Variants in CUBN observed in about 807,000 individuals in gnomAD.
The protein encoded by CUBN is cubilin, also known as 460 kDa receptor.
In CUBN, 282 loss-of-function variants were observed where a neutral mutation model predicts 405.3. The ratio of observed to expected loss-of-function variants is 0.70; its 90% CI spans 0.63 to 0.77. CUBN has a LOEUF of 0.77. CUBN is among the 30% of genes least tolerant of loss of function. The pLI is 0.00. For synonymous variants in CUBN, 1,684 were observed against 1,617.0 expected (o/e 1.04, Z -0.99); for missense variants, 4,514 against 4,475.2 (o/e 1.01, Z -0.25).
chr10:17,125,431 G>C (rs11254383), intron 4 of CUBN, among the ~76,000 whole-genome samples: 1 of 152,084 alleles, frequency 6.6e-6, no homozygotes, highest in South Asian at 2.1e-4. Context: ...ACGTCTGGGG[G>C]TCTCTTTATG....
At chr10:17,000,985 A>G (rs1211217239) in intron 28 of CUBN, among the ~76,000 whole-genome samples, 2 of 152,136 alleles carry the variant, frequency 1.3e-5, no homozygotes, top group African/African-American at 2.4e-5. Flanking sequence ...GTGTGTCCGG[A>G]GTTTGCTCCT....
At chr10:16,894,519 T>C (rs184826252) in intron 54 of CUBN, among the ~76,000 whole-genome samples, 1 of 152,340 alleles carries the variant, frequency 6.6e-6, no homozygotes, top group Admixed American at 6.5e-5. Flanking sequence ...TTGAGGATGT[T>C]TGTGTGAGTG....
intron 64 of CUBN, among the ~76,000 whole-genome samples, chr10:16,831,949 A>C (rs1156356586): frequency 3.9e-5 from 6 of 152,206 alleles, no homozygotes; most frequent in Admixed American, 3.9e-4. Context: ...GAACGAAAGG[A>C]ATTTCTGTAT....
At chr10:17,013,319 T>C (rs568387006) in intron 28 of CUBN, among the ~76,000 whole-genome samples, 25 of 152,070 alleles carry the variant, frequency 1.6e-4, no homozygotes, top group African/African-American at 5.8e-4. Context: ...TGTCTCTCTG[T>C]CTCTTCTTCT....
chr10:16,856,703 C>T (rs552275436), intron 59 of CUBN, among the ~76,000 whole-genome samples: 1 of 152,150 alleles, frequency 6.6e-6, no homozygotes, highest in Non-Finnish European at 1.5e-5. Context: ...TGGATAGTAT[C>T]TCTGCCTGTC....
chr10:16,834,338 G>A lies in CUBN; in HGVS notation c.10362+676C>T, dbSNP rs193106834. Among the ~76,000 whole-genome samples, 321 of 152,268 alleles carry A rather than the reference G, an allele frequency of 2.1e-3. 2 individuals are homozygous for A. The highest frequency in any genetic ancestry group is 7.1e-3 in the African/African-American group (294 of 41,562). On this transcript the variant is annotated intron_variant, in intron 64 of 66. Coordinates refer to ENST00000377833, the MANE Select transcript of CUBN (RefSeq NM_001081.4). Reference sequence around the variant, plus strand: ...CCCCAAAGTTTCAGGCCCACGAGGCGCATGGTTCTGCCTGCTCCAGGCACA... The same window carrying A: ...CCCCAAAGTTTCAGGCCCACGAGGCACATGGTTCTGCCTGCTCCAGGCACA...
chr10:16,869,063 C>T (rs778185064), intron 59 of CUBN, among the ~76,000 whole-genome samples: 5 of 152,012 alleles, frequency 3.3e-5, no homozygotes, highest in African/African-American at 7.2e-5. Context: ...CCTCTGGGTC[C>T]GTTCAAGGCT....
chr10:17,085,408 G>T (rs1307922810), intron 16 of CUBN, among the ~76,000 whole-genome samples, 189 bp downstream of exon 16: 1 of 152,152 alleles, frequency 6.6e-6, no homozygotes, highest in African/African-American at 2.4e-5. Context: ...AAAGGGTATT[G>T]CAGTATTAAT....
At chr10:16,951,558 C>G (rs1179836088) in intron 33 of CUBN, among the ~76,000 whole-genome samples, 1 of 151,994 alleles carries the variant, frequency 6.6e-6, no homozygotes, top group African/African-American at 2.4e-5. Flanking sequence ...TCAGAAGGGC[C>G]CCAGCATCAC....
At chr10:17,022,036 G>A (rs1834515004) in intron 27 of CUBN, among the ~76,000 whole-genome samples, 1 of 152,132 alleles carries the variant, frequency 6.6e-6, no homozygotes, top group Non-Finnish European at 1.5e-5. Flanking sequence ...CAATCTGCAC[G>A]ATTATTTGCA....
At chr10:16,985,676 A>G (rs918046504) in intron 29 of CUBN, among the ~76,000 whole-genome samples, 1 of 152,136 alleles carries the variant, frequency 6.6e-6, no homozygotes, top group African/African-American at 2.4e-5. Flanking sequence ...GGGTTCCTGC[A>G]CCTGCCAATC....
chr10:17,011,345 G>A (rs1288417991), intron 28 of CUBN, among the ~76,000 whole-genome samples: 3 of 152,122 alleles, frequency 2.0e-5, no homozygotes, highest in Admixed American at 6.6e-5. Context: ...CTTCCAGTGG[G>A]TTCGTGGTCT....
At chr10:16,897,088 A>T (rs1277018404) in intron 54 of CUBN, among the ~76,000 whole-genome samples, 1 of 152,214 alleles carries the variant, frequency 6.6e-6, no homozygotes, top group Non-Finnish European at 1.5e-5. Flanking sequence ...TTGTTGAAGC[A>T]TGTTAATGGA....
intron 15 of CUBN, among the ~76,000 whole-genome samples, chr10:17,087,467 T>TTTATC (rs1836140973): frequency 5.9e-5 from 5 of 85,198 alleles, no homozygotes; most frequent in African/African-American, 2.5e-4. Flanking sequence ...ATTATTTTTC[T>TTTATC]TTTTCTTTTT....
intron 66 of CUBN, among the ~76,000 whole-genome samples, chr10:16,826,370 T>C (rs1370396169): frequency 2.0e-5 from 3 of 152,190 alleles, no homozygotes; most frequent in African/African-American, 7.2e-5. Flanking sequence ...TTCATATGTA[T>C]GTAATTATGC....
chr10:16,890,557 C>T lies in CUBN; in HGVS notation c.8599-30G>A. The T allele has an allele frequency of 3.1e-6, 5 of 1,613,442 alleles. No individual in the cohort carries two copies. In the Admixed American group the frequency reaches 5.0e-5, roughly 16 times the overall value. On this transcript the variant is annotated intron_variant, in intron 54 of 66. Transcript: ENST00000377833. ...CACGGACATACACAGAACTTTAATG[C>T]TCAAGGGTTTCCCATCAATATTTTA... is the stretch of plus-strand genomic sequence containing the variant.
chr10:16,913,190 T>C (rs1841781534), intron 48 of CUBN, among the ~76,000 whole-genome samples: 2 of 152,274 alleles, frequency 1.3e-5, no homozygotes, highest in African/African-American at 4.8e-5. Context: ...AAGGGGCAAG[T>C]TGGGTGGATA....
At chr10:17,102,348 G>A (rs891841194) in intron 13 of CUBN, among the ~76,000 whole-genome samples, 2 of 151,002 alleles carry the variant, frequency 1.3e-5, no homozygotes, top group African/African-American at 4.9e-5. Context: ...GTGCAGTGGT[G>A]CAATCTCAGC....
In CUBN at chr10:16,824,891, G is replaced by T; in HGVS notation, c.*84C>A. On this transcript the variant is annotated 3_prime_UTR_variant, in exon 67 of 67. Coordinates refer to ENST00000377833, the MANE Select transcript of CUBN (RefSeq NM_001081.4). ...GTTCAGCTTATTCTCTGTGGCATCA[G>T]CAGGGGTCATGTATCAGGATGGCAG... The T allele has an allele frequency of 1.1e-6, 1 of 907,818 alleles. No homozygotes were observed. The highest frequency in any genetic ancestry group is 1.8e-6 in the Non-Finnish European group (1 of 547,508). 56.2% of individuals were successfully genotyped at this position (907,818 alleles called of 1,614,324 possible).
Sources: allele counts gnomAD v4.1 joint callset (sites outside exome capture counted in the v4.1 genomes callset), GRCh38; gene constraint gnomAD v4.1.1; transcripts MANE v1.5; gene names NCBI Gene and HGNC (gene_info 2026-07-23, HGNC 2026-07-21).